The following CFHR5 variants were observed in gnomAD, a reference collection of about 807,000 sequenced individuals.
CFHR5 encodes complement factor H-related protein 5.
Under a neutral mutation model 62.9 loss-of-function variants are expected in CFHR5, and 73 were observed. The observed-to-expected ratio is 1.16, with a 90% CI of 0.96 to 1.41. The LOEUF (loss-of-function observed/expected upper bound fraction) is 1.41. Among genes scored for constraint, CFHR5 ranks in the 40% most tolerant of loss-of-function variants. The pLI is 0.00. For missense variants in CFHR5, 779 were observed against 679.9 expected, an observed-to-expected ratio of 1.15 and a Z score of -1.62; for synonymous variants, 249 against 227.2, an observed-to-expected ratio of 1.10 and a Z score of -0.86.
intron 9 of CFHR5, among the ~76,000 whole-genome samples, chr1:197,008,261 T>C (rs1219425708): frequency 6.6e-6 from 1 of 151,498 alleles, no homozygotes; most frequent in Non-Finnish European, 1.5e-5. Flanking sequence ...CTCACTAAAC[T>C]GTGTAGCCTT....
intron 3 of CFHR5, among the ~76,000 whole-genome samples, chr1:196,985,772 T>G (rs945760370): frequency 6.6e-6 from 1 of 152,200 alleles, no homozygotes; most frequent in Non-Finnish European, 1.5e-5. Context: ...TTTGAACAAT[T>G]CGGTTGCTTT....
intron 3 of CFHR5, among the ~76,000 whole-genome samples, 170 bp from the exon 4 acceptor site, chr1:196,993,910 T>C (rs1463421102): frequency 6.6e-6 from 1 of 152,092 alleles, no homozygotes; most frequent in East Asian, 1.9e-4. Context: ...GCCTGAGGGG[T>C]CTTAGATATA....
At chr1:196,989,695 A>C (rs1479827589) in intron 3 of CFHR5, among the ~76,000 whole-genome samples, 1 of 152,154 alleles carries the variant, frequency 6.6e-6, no homozygotes. Context: ...TGAGTTTCTT[A>C]ATCCTGGGTT....
intron 7 of CFHR5, among the ~76,000 whole-genome samples, chr1:197,001,299 A>G (rs965630105): frequency 6.6e-6 from 1 of 152,124 alleles, no homozygotes. Flanking sequence ...CCTTGAAAAA[A>G]TAAGGAAAAA....
At chr1:197,001,948 A>G (rs922630786) in intron 7 of CFHR5, among the ~76,000 whole-genome samples, 1 of 151,964 alleles carries the variant, frequency 6.6e-6, no homozygotes, top group Non-Finnish European at 1.5e-5. Flanking sequence ...GCAACCAAAA[A>G]AGAATTTAAT....
intron 7 of CFHR5, among the ~76,000 whole-genome samples, chr1:197,001,187 A>G (rs990596136): frequency 1.3e-5 from 2 of 152,164 alleles, no homozygotes; most frequent in African/African-American, 4.8e-5. Context: ...GACGAGTCAT[A>G]TAAAACATAA....
At chr1:196,983,107 G>A (rs779854011) in intron 2 of CFHR5, 28 bp downstream of exon 2, 1 of 1,612,338 alleles carries the variant, frequency 6.2e-7, no homozygotes, top group Admixed American at 1.7e-5. Flanking sequence ...TCATTAAATG[G>A]ATGTCATTCA....
chr1:196,990,695 G>T (rs1362277028), intron 3 of CFHR5, among the ~76,000 whole-genome samples: 2 of 152,094 alleles, frequency 1.3e-5, no homozygotes, highest in East Asian at 3.9e-4. Flanking sequence ...GTCGAATATT[G>T]GCCCCCACTC....
rs751094673 is a variant in CFHR5 at position 196,984,180 on chromosome 1, G to T, written c.430+43G>T. 54 of 1,494,284 alleles carry T rather than the reference G, an allele frequency of 3.6e-5. No individual in the cohort carries two copies. In the Admixed American group the frequency reaches 8.9e-4, roughly 25 times the overall value. The allele number at this position is 1,494,284 out of a possible 1,614,324, so 92.6% of individuals were successfully genotyped here. ...CTCTCAGTTTTGCTAATTATTTAAAGAAATAAATCTATAGTTTATAGATTA... is the reference window on the plus strand; with the variant it reads ...CTCTCAGTTTTGCTAATTATTTAAATAAATAAATCTATAGTTTATAGATTA... On this transcript the variant is annotated intron_variant, in intron 3 of 9. Transcript: ENST00000256785.
chr1:196,981,897 T>C (rs1314969158), intron 1 of CFHR5, among the ~76,000 whole-genome samples: 3 of 152,096 alleles, frequency 2.0e-5, no homozygotes, highest in African/African-American at 7.2e-5. Flanking sequence ...ATCTTTTTAT[T>C]GTTTTTTCTT....
chr1:196,984,122 A>C lies in CFHR5; in HGVS notation c.415A>C (p.Ile139Leu). Reference sequence around the variant, plus strand: ...AGAACGGGGCTGGTCCACTCCTCCCATATGCAGCTTCACTAGTAAGCAAAA... The same window carrying C: ...AGAACGGGGCTGGTCCACTCCTCCCCTATGCAGCTTCACTAGTAAGCAAAA... ...CVERGWSTPP[I>L]CSFTKGECHV... Residue 139 changes from isoleucine to leucine, a missense_variant, in exon 3 of 10, where the codon ATA (isoleucine) becomes CTA (leucine). Transcript: ENST00000256785. 4 of 1,613,498 alleles carry C rather than the reference A, an allele frequency of 2.5e-6. No homozygotes were observed. Among genetic ancestry groups the C allele is most frequent in the Non-Finnish European group, 2.5e-6 (3 of 1,179,622 alleles).
At chr1:196,976,074 G>T (rs1653389256), upstream of CFHR5, among the ~76,000 whole-genome samples, 1 of 152,158 alleles carries the variant, frequency 6.6e-6, no homozygotes, top group Non-Finnish European at 1.5e-5. Flanking sequence ...TCTAGAGTGT[G>T]ATGCTTAATA....
At position 197,008,668 on chromosome 1, in the gene CFHR5, T is replaced by C. The variant is rs1654358185; in HGVS notation, c.1695T>C (p.Tyr565=). Residue 565 remains tyrosine (Y), a synonymous_variant, in exon 10 of 10, where the codon TAT becomes TAC. Coordinates refer to ENST00000256785, the MANE Select transcript of CFHR5 (RefSeq NM_030787.4). ...TCTGTCAGGAAGGGAAATTTGAATA[T>C]CCTATATGTGAATGAAGCAAGCATA... The part of the protein sequence containing the change: ...RAICQEGKFE[Y]PICE The C allele has an allele frequency of 8.1e-6, 13 of 1,612,642 alleles. No individual in the cohort carries two copies. The highest frequency in any genetic ancestry group is 1.7e-4 in the Middle Eastern group (1 of 6,060).
At chr1:196,977,357 T>C (rs1653420839), upstream of CFHR5, among the ~76,000 whole-genome samples, 1 of 151,562 alleles carries the variant, frequency 6.6e-6, no homozygotes, top group Non-Finnish European at 1.5e-5. Context: ...ACAGTCCATT[T>C]CTGATTGTTC....
At chr1:196,994,312 C>A in intron 4 of CFHR5, 56 bp downstream of exon 4, 3 of 1,352,018 alleles carry the variant, frequency 2.2e-6, no homozygotes, top group Non-Finnish European at 3.2e-6. Flanking sequence ...TAATAATGCC[C>A]ATATATTTTT....
chr1:196,983,308 AT>A (rs1044783539), intron 2 of CFHR5, among the ~76,000 whole-genome samples: 23 of 152,170 alleles, frequency 1.5e-4, no homozygotes, highest in Admixed American at 7.2e-4. Flanking sequence ...AAATACATTA[AT>A]TTTTTTAAAC....
intron 3 of CFHR5, among the ~76,000 whole-genome samples, chr1:196,987,518 C>T (rs1198563840): frequency 6.6e-6 from 1 of 152,086 alleles, no homozygotes; most frequent in Admixed American, 6.6e-5. Context: ...AGTCTTTAAT[C>T]CATCTTGAAT....
chr1:197,001,271 A>G (rs1445875036), intron 7 of CFHR5, among the ~76,000 whole-genome samples: 5 of 152,166 alleles, frequency 3.3e-5, no homozygotes, highest in African/African-American at 1.2e-4. Context: ...TTAGATTTGC[A>G]CTATTTTGCC....
In CFHR5 at chr1:197,002,564, A is replaced by AG; in HGVS notation, c.1231dup (p.Glu411GlyfsTer8). ...CAACCACAGTGAATTATCAGGATGG[A>AG]GAAAAAGTAGCTGTTCTCTGTAAAG... On this transcript the variant is annotated frameshift_variant, in exon 8 of 10. Coordinates refer to ENST00000256785, the MANE Select transcript of CFHR5 (RefSeq NM_030787.4). LOFTEE classifies it high-confidence loss of function. 1 of 1,613,436 alleles carries AG rather than the reference A, an allele frequency of 6.2e-7. No individual in the cohort carries two copies. Among genetic ancestry groups the AG allele is most frequent in the Non-Finnish European group, 8.5e-7 (1 of 1,179,516 alleles).
Sources: gnomAD v4.1 joint callset for allele counts (sites outside exome capture counted in the v4.1 genomes callset) on GRCh38, gnomAD v4.1.1 for gene constraint, MANE v1.5 for transcripts, NCBI Gene and HGNC (gene_info 2026-07-23, HGNC 2026-07-21) for gene names.